NTRK2: variants seen among roughly 807,000 people sequenced by gnomAD.
NTRK2 encodes the protein neurotrophic receptor tyrosine kinase 2.
A neutral mutation model predicts 94.5 loss-of-function variants in NTRK2; 13 were observed. That is an observed-to-expected ratio of 0.14 (90% CI 0.09 to 0.22). The LOEUF (loss-of-function observed/expected upper bound fraction) is 0.22. Ranked by LOEUF, NTRK2 falls within the 10% of genes least tolerant of loss-of-function variation. The pLI, the probability that NTRK2 is intolerant of heterozygous loss-of-function variation, is 1.00. For missense variants in NTRK2, 639 were observed against 1,071.2 expected, an observed-to-expected ratio of 0.60 and a Z score of 5.63; for synonymous variants, 372 against 407.4, an observed-to-expected ratio of 0.91 and a Z score of 1.05.
intron 14 of NTRK2, among the ~76,000 whole-genome samples, chr9:84,917,370 G>A (rs1388903044): frequency 6.6e-6 from 1 of 152,176 alleles, no homozygotes; most frequent in Non-Finnish European, 1.5e-5. Context: ...TCATTCTGGT[G>A]GGATGACAGC....
chr9:84,708,107 A>T (rs1014333459), intron 5 of NTRK2, among the ~76,000 whole-genome samples, 195 bp downstream of exon 5: 14 of 150,550 alleles, frequency 9.3e-5, no homozygotes, highest in African/African-American at 2.9e-4. Context: ...TTCAGTAATT[A>T]AAAAAAATAG....
intron 6 of NTRK2, among the ~76,000 whole-genome samples, chr9:84,722,230 G>A (rs1356525968): frequency 3.6e-5 from 5 of 138,838 alleles, no homozygotes; most frequent in Admixed American, 7.7e-5. Flanking sequence ...GGATGCTTAC[G>A]GGAAGGAAGA....
At chr9:84,682,666 A>G (rs1011079740) in intron 2 of NTRK2, among the ~76,000 whole-genome samples, 1 of 152,118 alleles carries the variant, frequency 6.6e-6, no homozygotes, top group African/African-American at 2.4e-5. Flanking sequence ...CCCCTCTCCA[A>G]TAACAACCAC....
intron 12 of NTRK2, among the ~76,000 whole-genome samples, chr9:84,777,448 G>A (rs2067159167): frequency 6.6e-6 from 1 of 152,082 alleles, no homozygotes; most frequent in South Asian, 2.1e-4. Context: ...CTTTGCTCTG[G>A]GTGTCCACAA....
At chr9:84,824,671 A>G (rs1046565858) in intron 12 of NTRK2, among the ~76,000 whole-genome samples, 1 of 152,184 alleles carries the variant, frequency 6.6e-6, no homozygotes, top group Non-Finnish European at 1.5e-5. Flanking sequence ...CCTGAGATGC[A>G]GACAGTGTTT....
intron 6 of NTRK2, among the ~76,000 whole-genome samples, chr9:84,718,846 G>T (rs1318841317): frequency 6.6e-6 from 1 of 152,194 alleles, no homozygotes; most frequent in Non-Finnish European, 1.5e-5. Context: ...TTCAAGTACA[G>T]ATTGTTTTTT....
intron 14 of NTRK2, chr9:84,873,715 A>G (rs200638193): frequency 6.9e-5 from 73 of 1,056,544 alleles, no homozygotes; most frequent in Non-Finnish European, 7.9e-5. Flanking sequence ...ACCAGTTTCA[A>G]GCACACTCAC....
rs184538197 is a variant in NTRK2, at chr9:85,023,665, A to T, written c.*2228A>T. 2.2e-3 allele frequency: 500 copies of T among 231,142 alleles called. 1 individual carries two copies. Among genetic ancestry groups the T allele is most frequent in the Admixed American group, 3.4e-3 (61 of 17,726 alleles). The allele number at this position is 231,142 out of a possible 1,614,324, so 14.3% of individuals were successfully genotyped here. A position where few individuals can be genotyped will look rare whatever the true frequency, so the allele number is the denominator to read the frequency against. ...CCATGATATATATGTGCACATATAT[A>T]TACATACATGTGCATGTATGTATCA... On this transcript the variant is annotated 3_prime_UTR_variant, in exon 19 of 19. Transcript: ENST00000277120.
chr9:84,887,535 G>A (rs1385160872), intron 14 of NTRK2, among the ~76,000 whole-genome samples: 1 of 152,186 alleles, frequency 6.6e-6, no homozygotes, highest in Non-Finnish European at 1.5e-5. Flanking sequence ...AAAGGCCTCG[G>A]AGAAAAACGA....
intron 10 of NTRK2, 97 bp from the exon 11 acceptor site, chr9:84,744,876 T>C: frequency 1.1e-6 from 1 of 887,754 alleles, no homozygotes; most frequent in Non-Finnish European, 1.9e-6. Flanking sequence ...CTTTGTGATT[T>C]GTCTTGCTTC....
At chr9:84,887,460 G>A (rs919251443) in intron 14 of NTRK2, among the ~76,000 whole-genome samples, 2 of 152,218 alleles carry the variant, frequency 1.3e-5, no homozygotes, top group Non-Finnish European at 2.9e-5. Flanking sequence ...ACCCCCTGGA[G>A]GGGAAGATTT....
At chr9:84,821,607 G>A (rs1018350612) in intron 12 of NTRK2, among the ~76,000 whole-genome samples, 1 of 152,158 alleles carries the variant, frequency 6.6e-6, no homozygotes, top group African/African-American at 2.4e-5. Flanking sequence ...CAAGATGTAA[G>A]GATTGAGTGG....
At chr9:84,709,507 A>G (rs979365634) in intron 5 of NTRK2, among the ~76,000 whole-genome samples, 2 of 152,128 alleles carry the variant, frequency 1.3e-5, no homozygotes, top group South Asian at 4.1e-4. Context: ...GATCAAGCAG[A>G]CACAAATTAA....
chr9:84,822,948 G>T (rs2072945945), intron 12 of NTRK2, among the ~76,000 whole-genome samples: 1 of 152,100 alleles, frequency 6.6e-6, no homozygotes, highest in South Asian at 2.1e-4. Context: ...ATTGCTGCTT[G>T]CCATCTCTCT....
chr9:84,849,850 C>T (rs956512885), intron 12 of NTRK2, among the ~76,000 whole-genome samples: 1 of 152,160 alleles, frequency 6.6e-6, no homozygotes, highest in Non-Finnish European at 1.5e-5. Flanking sequence ...ATTTATAAAA[C>T]CTTTCAATTA....
At chr9:84,891,162 G>C (rs1245399091) in intron 14 of NTRK2, among the ~76,000 whole-genome samples, 2 of 152,042 alleles carry the variant, frequency 1.3e-5, no homozygotes, top group African/African-American at 4.8e-5. Context: ...GGCTGGAATT[G>C]TCAGCCAAGG....
At chr9:84,994,612 C>G (rs1042682109) in intron 17 of NTRK2, among the ~76,000 whole-genome samples, 1 of 152,178 alleles carries the variant, frequency 6.6e-6, no homozygotes, top group Non-Finnish European at 1.5e-5. Context: ...TCTTTAGCAT[C>G]TCATATCCTC....
chr9:84,741,269 C>T (rs1013801988), intron 9 of NTRK2, among the ~76,000 whole-genome samples: 15 of 152,130 alleles, frequency 9.9e-5, no homozygotes, highest in Non-Finnish European at 2.1e-4. Flanking sequence ...CTCTGACATA[C>T]CATTTTTTAA....
chr9:84,739,673 G>C (rs1347576598), intron 9 of NTRK2, among the ~76,000 whole-genome samples: 1 of 152,120 alleles, frequency 6.6e-6, no homozygotes, highest in Non-Finnish European at 1.5e-5. Context: ...ATGCGGTGGG[G>C]GTCTGTGGGG....
Sources: allele counts gnomAD v4.1 joint callset (sites outside exome capture counted in the v4.1 genomes callset), GRCh38; gene constraint gnomAD v4.1.1; transcripts MANE v1.5; gene names NCBI Gene and HGNC (gene_info 2026-07-23, HGNC 2026-07-21).